Variants in RBM10 observed in about 807,000 individuals in gnomAD.
RBM10 encodes the protein RNA-binding protein 10.
A neutral mutation model predicts 84.9 loss-of-function variants in RBM10; 1 was observed. The ratio of observed to expected loss-of-function variants is 0.01; its 90% CI spans 0.00 to 0.06. The LOEUF is 0.06. RBM10 is among the 10% of genes least tolerant of loss of function. The pLI is 1.00. For synonymous variants in RBM10, 326 were observed against 344.5 expected (o/e 0.95, Z 0.60); for missense variants, 438 against 839.0 (o/e 0.52, Z 5.90).
At chrX:47,149,842 C>T (rs1437637242) in intron 2 of RBM10, among the ~76,000 whole-genome samples, 10 of 79,246 alleles carry the variant, frequency 1.3e-4, no homozygotes, top group East Asian at 1.2e-3. Flanking sequence ...TTTTTTGAGA[C>T]GGAGTTTCGC....
Position 47,186,773 on chromosome X carries a change from G to T in RBM10, c.*174G>T, listed in dbSNP as rs1935946635. 36 of 588,339 alleles carry T rather than the reference G, an allele frequency of 6.1e-5. No individual in the cohort carries two copies. In the South Asian group the frequency reaches 9.4e-4, roughly 15 times the overall value. 48.5% of individuals were successfully genotyped at this position (588,339 alleles called of 1,213,427 possible). A position where few individuals can be genotyped will look rare whatever the true frequency, so the allele number is the denominator to read the frequency against. ...TGACTTTTGTTGGAAAATTGGGCTG[G>T]GATCACGTCCTGTTTTGTAATAAAA... On this transcript the variant is annotated 3_prime_UTR_variant, in exon 24 of 24. Transcript: ENST00000377604.
Position 47,147,379 on chromosome X carries a change from C to G in RBM10, c.-103C>G, listed in dbSNP as rs1374654119. ...CAGAGTCCCTGCAGGAAGCATCACC[C>G]AGGCTGGCAGATCATGGTAGCAGCA... is the stretch of plus-strand genomic sequence containing the variant. On this transcript the variant is annotated 5_prime_UTR_variant, in exon 2 of 24. Coordinates refer to ENST00000377604, the MANE Select transcript of RBM10 (RefSeq NM_005676.5). 4.2e-6 allele frequency: 5 copies of G among 1,203,083 alleles called. No homozygotes were observed. Among genetic ancestry groups the G allele is most frequent in the South Asian group, 1.8e-5 (1 of 55,947 alleles).
chrX:47,157,464 C>T, intron 2 of RBM10: 1 of 385,817 alleles, frequency 2.6e-6, no homozygotes, highest in Non-Finnish European at 4.8e-6. Flanking sequence ...CTCCAGCAGC[C>T]ACATGGTGTC....
chrX:47,157,095 C>T (rs1933217562), intron 2 of RBM10: 10 of 264,408 alleles, frequency 3.8e-5, no homozygotes, highest in South Asian at 3.2e-4. Context: ...GGGGAGTTCC[C>T]GGATGACCTC....
chrX:47,159,317 G>C (rs1280567845), intron 2 of RBM10, among the ~76,000 whole-genome samples: 3 of 108,944 alleles, frequency 2.8e-5, no homozygotes, highest in African/African-American at 1.0e-4. Flanking sequence ...GCTGAGGCAG[G>C]AGAATCTCTT....
chrX:47,156,249 G>A lies in RBM10; in HGVS notation c.17+8751G>A, dbSNP rs147152676. On this transcript the variant is annotated intron_variant, in intron 2 of 23. Transcript: ENST00000377604. ...TTCATTTTCCTTTTATGACTGCTGG[G>A]ATTTGTCTTGCTGAGGAAGGCCTTC... is the stretch of plus-strand genomic sequence containing the variant. Among the ~76,000 whole-genome samples the A allele has an allele frequency of 3.0e-3, 331 of 111,718 alleles. 11 individuals carry two copies. In the East Asian group the frequency reaches 0.072, roughly 24 times the overall value.
chrX:47,157,780 C>CTTT (rs147325464), intron 2 of RBM10: 155 of 307,541 alleles, frequency 5.0e-4, no homozygotes, highest in Middle Eastern at 3.6e-3. Flanking sequence ...AGCTGCATGA[C>CTTT]TTTTTTTTTT....
intron 5 of RBM10, among the ~76,000 whole-genome samples, 170 bp from the exon 6 acceptor site, chrX:47,174,849 C>T (rs1360392276): frequency 9.1e-6 from 1 of 109,365 alleles, no homozygotes; most frequent in South Asian, 4.0e-4. Flanking sequence ...TTGCCCCCCA[C>T]GCCCGCTAGT....
At chrX:47,184,016 C>T (rs1481842787) in intron 17 of RBM10, among the ~76,000 whole-genome samples, 1 of 111,017 alleles carries the variant, frequency 9.0e-6, no homozygotes, top group Non-Finnish European at 1.9e-5. Flanking sequence ...CACTTGTTAC[C>T]CCATAAACTT....
intron 1 of RBM10, among the ~76,000 whole-genome samples, chrX:47,146,896 G>C (rs781964618): frequency 2.0e-4 from 22 of 111,472 alleles, no homozygotes; most frequent in African/African-American, 6.8e-4. Flanking sequence ...TTGTTGGGAG[G>C]ATGAGATGGT....
At chrX:47,157,628 G>T in intron 2 of RBM10, 1 of 500,616 alleles carries the variant, frequency 2.0e-6, no homozygotes, top group Non-Finnish European at 3.7e-6. Flanking sequence ...TGGTTTCAGG[G>T]TGGGCATCGA....
chrX:47,158,254 C>G (rs1380940993), intron 2 of RBM10: 1 of 156,892 alleles, frequency 6.4e-6, no homozygotes, highest in Admixed American at 8.1e-5. Flanking sequence ...TAGGCTGAGT[C>G]TGTTGGCCAG....
chrX:47,180,734 C>T (rs990929231), intron 12 of RBM10, among the ~76,000 whole-genome samples: 16 of 111,834 alleles, frequency 1.4e-4, no homozygotes, highest in Middle Eastern at 9.3e-3. Context: ...CGCTCATGTA[C>T]GACGCCATTG....
chrX:47,154,066 A>G (rs1191273176), intron 2 of RBM10, among the ~76,000 whole-genome samples: 1 of 108,636 alleles, frequency 9.2e-6, no homozygotes, highest in Non-Finnish European at 1.9e-5. Context: ...TCAAAAAATA[A>G]TAAAATAAAA....
intron 4 of RBM10, among the ~76,000 whole-genome samples, chrX:47,172,625 T>C (rs1556773894): frequency 8.9e-6 from 1 of 112,868 alleles, no homozygotes; most frequent in East Asian, 2.8e-4. Context: ...GGCACATGGC[T>C]GGGATTTGCT....
chrX:47,145,647 T>G (rs1426704064), intron 1 of RBM10, 162 bp downstream of exon 1: 6 of 467,373 alleles, frequency 1.3e-5, no homozygotes, highest in African/African-American at 6.4e-5. Context: ...TTTTTTTTTT[T>G]TTTTTTTTTT....
intron 2 of RBM10, among the ~76,000 whole-genome samples, chrX:47,162,603 T>C (rs1295115044): frequency 2.7e-5 from 3 of 110,683 alleles, no homozygotes; most frequent in Non-Finnish European, 5.7e-5. Flanking sequence ...AGGCCGGGTG[T>C]GGTGGCTCAC....
At chrX:47,154,127 G>A (rs781931354) in intron 2 of RBM10, among the ~76,000 whole-genome samples, 25 of 111,577 alleles carry the variant, frequency 2.2e-4, no homozygotes, top group Admixed American at 1.9e-4. Flanking sequence ...GCCAATTTTA[G>A]CATTTTATAT....
intron 2 of RBM10, chrX:47,157,029 T>C: frequency 6.7e-6 from 2 of 297,980 alleles, no homozygotes; most frequent in Non-Finnish European, 1.3e-5. Flanking sequence ...CATCTGGTTG[T>C]TGATGATGAT....
Sources: allele counts gnomAD v4.1 joint callset (sites outside exome capture counted in the v4.1 genomes callset), GRCh38; gene constraint gnomAD v4.1.1; transcripts MANE v1.5; gene names NCBI Gene and HGNC (gene_info 2026-07-23, HGNC 2026-07-21).